Variants in CEACAM19 observed in about 807,000 individuals in gnomAD.
CEACAM19 encodes CEA cell adhesion molecule 19, also known as cell adhesion molecule CEACAM19.
A neutral mutation model predicts 37.6 loss-of-function variants in CEACAM19; 37 were observed. The ratio of observed to expected loss-of-function variants is 0.98; its 90% CI spans 0.76 to 1.29. The LOEUF (loss-of-function observed/expected upper bound fraction) is 1.29, where lower values mean the gene tolerates loss of function less well. Among genes scored for constraint, CEACAM19 ranks in the 50% most tolerant of loss-of-function variants. The pLI is 0.00. For missense variants in CEACAM19, 340 were observed against 375.6 expected (o/e 0.91, Z 0.78); for synonymous variants, 140 against 149.8 (o/e 0.93, Z 0.48).
intron 5 of CEACAM19, 107 bp downstream of exon 5, chr19:44,680,441 T>A: frequency 9.6e-7 from 1 of 1,038,480 alleles, no homozygotes; most frequent in Admixed American, 1.9e-5. Flanking sequence ...GACCTCCCAA[T>A]GCACCTGCCC....
chr19:44,667,730 TTA>T (rs1233234990), upstream of CEACAM19, among the ~76,000 whole-genome samples: 3,843 of 74,230 alleles, frequency 0.052, 231 homozygotes, highest in African/African-American at 0.16. Flanking sequence ...AATTATATAT[TTA>T]TATATATAAT....
intron 2 of CEACAM19, 24 bp from the exon 3 acceptor site, chr19:44,676,247 C>A: frequency 1.2e-6 from 2 of 1,612,138 alleles, no homozygotes; most frequent in Non-Finnish European, 8.5e-7. Context: ...TCCCCCCTCT[C>A]TCTTTCTTTC....
chr19:44,683,156 G>T, intron 7 of CEACAM19: 1 of 347,924 alleles, frequency 2.9e-6, no homozygotes, highest in Non-Finnish European at 5.2e-6. Flanking sequence ...TGTCTAAGAT[G>T]CATCTCTTTA....
At chr19:44,679,040 T>G in intron 4 of CEACAM19, 104 bp downstream of exon 4, 1 of 1,517,240 alleles carries the variant, frequency 6.6e-7, no homozygotes, top group Non-Finnish European at 8.9e-7. Flanking sequence ...TTGCCAAGGT[T>G]GGGGTGCAGT....
chr19:44,674,670 T>C (rs144800373), intron 2 of CEACAM19, among the ~76,000 whole-genome samples: 7,520 of 152,296 alleles, frequency 0.049, 503 homozygotes, highest in African/African-American at 0.15. Context: ...CCCAAAGTGC[T>C]GGGATTACAG....
At chr19:44,681,621 G>A (rs935919806) in intron 6 of CEACAM19, among the ~76,000 whole-genome samples, 59 of 152,146 alleles carry the variant, frequency 3.9e-4, no homozygotes, top group African/African-American at 1.3e-3. Flanking sequence ...TATATATAAC[G>A]AAAGGTTTAT....
At chr19:44,674,545 C>T (rs1424120262) in intron 2 of CEACAM19, among the ~76,000 whole-genome samples, 3 of 151,900 alleles carry the variant, frequency 2.0e-5, no homozygotes, top group Non-Finnish European at 4.4e-5. Flanking sequence ...GGACTGTAGG[C>T]GCATGCCATC....
intron 1 of CEACAM19, 124 bp from the exon 2 acceptor site, chr19:44,672,472 C>T (rs1426513834): frequency 1.9e-6 from 2 of 1,071,304 alleles, no homozygotes; most frequent in Non-Finnish European, 2.6e-6. Context: ...TCAATCCCAG[C>T]ATTGTTTCCA....
In CEACAM19 at chr19:44,680,325, C is replaced by T. The variant is rs149827243; in HGVS notation, c.697C>T (p.His233Tyr). The change falls in exon 5 of 8, where the codon CAT becomes TAT. Residue 233 changes from histidine (H) to tyrosine (Y), a missense_variant. His to Tyr is a moderately conservative substitution (Grantham distance 83, BLOSUM62 2). Coordinates refer to ENST00000358777, the MANE Select transcript of CEACAM19 (RefSeq NM_001127893.3). ...AGAGAAGCCAGAATTGGGCCCTGCTCATGATGCTGGTAAGGCGGGAGCCCC... is the reference window on the plus strand; with the variant it reads ...AGAGAAGCCAGAATTGGGCCCTGCTTATGATGCTGGTAAGGCGGGAGCCCC... ...TTEKPELGPAHDAGDNNIYEV... is the reference protein window; with the variant it reads ...TTEKPELGPAYDAGDNNIYEV... 2.3e-4 allele frequency: 378 copies of T among 1,610,856 alleles called. 1 individual carries two copies. In the African/African-American group the frequency reaches 4.3e-3, roughly 18 times the overall value.
At chr19:44,668,713 TATA>T (rs1241244878), upstream of CEACAM19, among the ~76,000 whole-genome samples, 4 of 75,798 alleles carry the variant, frequency 5.3e-5, no homozygotes, top group African/African-American at 1.0e-4. Flanking sequence ...TATTATATAT[TATA>T]ATATGTATAT....
chr19:44,668,809 AAT>A (rs1010084619), upstream of CEACAM19, among the ~76,000 whole-genome samples: 5 of 87,958 alleles, frequency 5.7e-5, 1 homozygote, highest in African/African-American at 1.2e-4. Context: ...TATATAAAAT[AAT>A]ATATATATAT....
chr19:44,675,313 G>A (rs148099414), intron 2 of CEACAM19, among the ~76,000 whole-genome samples: 228 of 152,240 alleles, frequency 1.5e-3, no homozygotes, highest in African/African-American at 5.2e-3. Flanking sequence ...TAGAACAGAT[G>A]TCCAGCTTGA....
chr19:44,667,826 A>G (rs1420654697), upstream of CEACAM19, among the ~76,000 whole-genome samples: 3 of 75,840 alleles, frequency 4.0e-5, no homozygotes, highest in Non-Finnish European at 6.7e-5. Flanking sequence ...TATATAAATT[A>G]TATATTTTAT....
intron 7 of CEACAM19, 90 bp downstream of exon 7, chr19:44,682,710 A>G (rs1974084190): frequency 8.1e-7 from 1 of 1,232,082 alleles, no homozygotes; most frequent in Non-Finnish European, 1.1e-6. Flanking sequence ...GACAACTGAA[A>G]CTGGGGGCTT....
chr19:44,668,725 A>C (rs1246863126), upstream of CEACAM19, among the ~76,000 whole-genome samples: 1 of 62,562 alleles, frequency 1.6e-5, no homozygotes, highest in Non-Finnish European at 2.9e-5. Context: ...TAATATGTAT[A>C]TATAAATATA....
chr19:44,680,233 C>T, intron 4 of CEACAM19, 55 bp from the exon 5 acceptor site: 2 of 1,445,848 alleles, frequency 1.4e-6, no homozygotes, highest in South Asian at 1.1e-5. Context: ...AAGTCTCTCT[C>T]CCCCCGCCTG....
upstream of CEACAM19, among the ~76,000 whole-genome samples, chr19:44,668,366 G>T (rs1275199128): frequency 2.4e-4 from 2 of 8,336 alleles, no homozygotes; most frequent in African/African-American, 2.3e-4. Flanking sequence ...TATATAATAT[G>T]TTTATATATT....
upstream of CEACAM19, among the ~76,000 whole-genome samples, chr19:44,669,170 A>G (rs1412989004): frequency 1.3e-5 from 2 of 151,906 alleles, no homozygotes; most frequent in Non-Finnish European, 2.9e-5. Context: ...CCCAGGCTGG[A>G]GTGCAGTGTC....
chr19:44,673,105 A>G (rs539584363), intron 2 of CEACAM19, 141 bp downstream of exon 2: 2 of 599,744 alleles, frequency 3.3e-6, no homozygotes, highest in South Asian at 1.2e-4. Flanking sequence ...ACTGTGTACC[A>G]ATCCCCAGAG....
Sources: gnomAD v4.1 joint callset for allele counts (sites outside exome capture counted in the v4.1 genomes callset) on GRCh38, gnomAD v4.1.1 for gene constraint, MANE v1.5 for transcripts, NCBI Gene and HGNC (gene_info 2026-07-23, HGNC 2026-07-21) for gene names.